The following CWC27 variants were observed in gnomAD, a reference collection of about 807,000 sequenced individuals.
The protein encoded by CWC27 is spliceosome-associated protein CWC27 homolog.
CWC27 carries 47 observed loss-of-function variants against 63.6 expected under a neutral mutation model. The observed-to-expected ratio is 0.74, with a 90% CI of 0.58 to 0.94. The LOEUF (loss-of-function observed/expected upper bound fraction) is 0.94. Ranked by LOEUF, CWC27 falls within the 40% of genes least tolerant of loss-of-function variation. CWC27 has a pLI of 0.00. For missense variants in CWC27, 495 were observed against 554.3 expected, an observed-to-expected ratio of 0.89 and a Z score of 1.07; for synonymous variants, 175 against 179.8, an observed-to-expected ratio of 0.97 and a Z score of 0.22.
chr5:64,861,500 A>G (rs1043145455), intron 10 of CWC27, among the ~76,000 whole-genome samples: 2 of 152,168 alleles, frequency 1.3e-5, no homozygotes, highest in East Asian at 1.9e-4. Context: ...GAAACCACCA[A>G]TGTACCAAAA....
intron 10 of CWC27, among the ~76,000 whole-genome samples, chr5:64,857,579 G>A (rs1419869516): frequency 6.6e-6 from 1 of 152,062 alleles, no homozygotes; most frequent in Non-Finnish European, 1.5e-5. Context: ...AACTACAAGA[G>A]GCCAGGAAAA....
intron 13 of CWC27, among the ~76,000 whole-genome samples, chr5:64,990,850 T>A (rs574327705): frequency 2.6e-5 from 4 of 152,352 alleles, no homozygotes; most frequent in Middle Eastern, 3.4e-3. Flanking sequence ...AATCTTTCAA[T>A]GGCATTAATG....
intron 11 of CWC27, among the ~76,000 whole-genome samples, chr5:64,906,528 T>G (rs746198117): frequency 1.1e-4 from 16 of 152,228 alleles, no homozygotes; most frequent in Non-Finnish European, 1.8e-4. Flanking sequence ...TTTGTTTTTC[T>G]CTTGCAAATT....
At chr5:64,810,168 G>C (rs1045391846) in intron 10 of CWC27, among the ~76,000 whole-genome samples, 1 of 152,066 alleles carries the variant, frequency 6.6e-6, no homozygotes, top group Non-Finnish European at 1.5e-5. Context: ...TATATATTGT[G>C]TGTTCTTGAC....
chr5:64,986,126 C>G (rs1167799410), intron 13 of CWC27, among the ~76,000 whole-genome samples: 1 of 152,140 alleles, frequency 6.6e-6, no homozygotes, highest in Non-Finnish European at 1.5e-5. Flanking sequence ...TTTGCCTCCC[C>G]TTCCAACATG....
In CWC27 at chr5:65,018,434, T is replaced by C; in HGVS notation, c.*113T>C. The C allele has an allele frequency of 4.4e-6, 4 of 908,720 alleles. No individual in the cohort carries two copies. Among genetic ancestry groups the C allele is most frequent in the Non-Finnish European group, 6.3e-6 (4 of 638,232 alleles). 56.3% of individuals were successfully genotyped at this position (908,720 alleles called of 1,614,324 possible). ...GTGTGAAAAGAAGTATTTTTGAACC[T>C]GTTGTCTGGTTTTGAAAAACAATTA... On this transcript the variant is annotated 3_prime_UTR_variant, in exon 14 of 14. Coordinates refer to ENST00000381070, the MANE Select transcript of CWC27 (RefSeq NM_005869.4).
intron 11 of CWC27, among the ~76,000 whole-genome samples, chr5:64,970,275 C>G (rs569299922): frequency 6.7e-6 from 1 of 149,270 alleles, no homozygotes; most frequent in Admixed American, 6.7e-5. Flanking sequence ...TGCAGTGGCG[C>G]GATCTCGGCT....
At chr5:64,983,591 G>A (rs937695923) in intron 13 of CWC27, among the ~76,000 whole-genome samples, 2 of 152,118 alleles carry the variant, frequency 1.3e-5, no homozygotes, top group African/African-American at 4.8e-5. Context: ...CTTTTTTCCA[G>A]GTCCCAGTTT....
intron 12 of CWC27, among the ~76,000 whole-genome samples, chr5:64,973,028 G>T (rs1308554696): frequency 1.3e-5 from 2 of 152,174 alleles, no homozygotes; most frequent in Admixed American, 6.5e-5. Context: ...AACTTCAAAG[G>T]TTGTGTAGGA....
chr5:64,955,813 T>C (rs1748793318), intron 11 of CWC27, among the ~76,000 whole-genome samples: 1 of 152,190 alleles, frequency 6.6e-6, no homozygotes, highest in Non-Finnish European at 1.5e-5. Context: ...ATTTTCATAT[T>C]TCAATTAAAA....
At chr5:64,907,676 C>G (rs1007196577) in intron 11 of CWC27, among the ~76,000 whole-genome samples, 2 of 152,102 alleles carry the variant, frequency 1.3e-5, no homozygotes, top group African/African-American at 4.8e-5. Context: ...GCCTGATTGC[C>G]CTGGCCAGAA....
chr5:64,970,512 G>A (rs1208756911), intron 11 of CWC27, among the ~76,000 whole-genome samples: 2 of 152,088 alleles, frequency 1.3e-5, no homozygotes, highest in African/African-American at 2.4e-5. Context: ...ACGCCCGGCC[G>A]AAAGTAATTT....
chr5:64,801,433 C>T (rs1744482910), intron 9 of CWC27, 101 bp downstream of exon 9: 1 of 964,884 alleles, frequency 1.0e-6, no homozygotes. Flanking sequence ...ACGTATATTA[C>T]TTTTATAGTT....
At chr5:64,862,358 A>G (rs1746431272) in intron 10 of CWC27, among the ~76,000 whole-genome samples, 2 of 133,540 alleles carry the variant, frequency 1.5e-5, no homozygotes, top group Admixed American at 1.4e-4. Flanking sequence ...AATATAATAT[A>G]CCCTTCCTCA....
chr5:64,858,322 C>T (rs148606706), intron 10 of CWC27, among the ~76,000 whole-genome samples: 49,294 of 147,302 alleles, frequency 0.33, 8,517 homozygotes, highest in East Asian at 0.51. Context: ...ATTAGCAGGG[C>T]GTGGTGGCGG....
At chr5:64,951,354 T>C (rs1748705852) in intron 11 of CWC27, among the ~76,000 whole-genome samples, 1 of 151,980 alleles carries the variant, frequency 6.6e-6, no homozygotes, top group Non-Finnish European at 1.5e-5. Flanking sequence ...TGTGCTTAAA[T>C]CAGGTTGTCT....
rs952945840 is a variant in CWC27 at position 64,885,537 on chromosome 5, A to C, written c.1033A>C (p.Arg345=). 4 of 1,598,338 alleles carry C rather than the reference A, an allele frequency of 2.5e-6. No individual in the cohort carries two copies. The highest frequency in any genetic ancestry group is 2.6e-6 in the Non-Finnish European group (3 of 1,171,496). The change falls in exon 11 of 14, where the codon AGA becomes CGA. Residue 345 remains arginine, a synonymous_variant. Coordinates refer to ENST00000381070, the MANE Select transcript of CWC27 (RefSeq NM_005869.4). ...AAATGCAGCAAAACAAGCAGAAAAA[A>C]GAAGTGAAGGTAAGGGCATTTATCA... ...VENAAKQAEK[R]SEEEEAPPDG... is the part of the protein sequence containing the mutation.
At chr5:65,015,291 A>G (rs1037271318) in intron 13 of CWC27, among the ~76,000 whole-genome samples, 4 of 152,230 alleles carry the variant, frequency 2.6e-5, no homozygotes, top group Admixed American at 2.6e-4. Context: ...CTAGAAATGG[A>G]TATTACAGAA....
chr5:64,771,796 C>T lies in CWC27; in HGVS notation c.42+2608C>T, dbSNP rs76366847. On this transcript the variant is annotated intron_variant, in intron 1 of 13. Transcript: ENST00000381070. Reference sequence around the variant, plus strand: ...AGTGATGACCAAAGAGAATGTATGGCCAGAGGAGGAAGGAGCCATATACCT... The same window carrying T: ...AGTGATGACCAAAGAGAATGTATGGTCAGAGGAGGAAGGAGCCATATACCT... 8.4e-3 allele frequency among the ~76,000 whole-genome samples: 1,279 copies of T among 152,150 alleles called. 15 individuals are homozygous for T. The highest frequency in any genetic ancestry group is 0.028 in the African/African-American group (1,166 of 41,480).
Sources: gnomAD v4.1 joint callset for allele counts (sites outside exome capture counted in the v4.1 genomes callset) on GRCh38, gnomAD v4.1.1 for gene constraint, MANE v1.5 for transcripts, NCBI Gene and HGNC (gene_info 2026-07-23, HGNC 2026-07-21) for gene names.